DYM: variants seen among roughly 807,000 people sequenced by gnomAD.
DYM encodes the protein dymeclin, also known as dyggve-Melchior-Clausen syndrome protein.
DYM carries 78 observed loss-of-function variants against 93.1 expected under a neutral mutation model. That is an observed-to-expected ratio of 0.84 (90% CI 0.70 to 1.01). The LOEUF is 1.01. DYM is among the 50% of genes least tolerant of loss of function. The pLI is 0.00. For synonymous variants in DYM, 321 were observed against 319.7 expected (o/e 1.00, Z -0.04); for missense variants, 789 against 845.0 (o/e 0.93, Z 0.82).
intron 16 of DYM, among the ~76,000 whole-genome samples, chr18:49,112,126 A>ACCCCCCTCCTCTCCGCG (rs1875386504): frequency 7.1e-6 from 1 of 141,482 alleles, no homozygotes. Flanking sequence ...TCCTCTCCGC[A>ACCCCCCTCCTCTCCGCG]CCCCCCTCCC....
intron 10 of DYM, among the ~76,000 whole-genome samples, chr18:49,276,867 C>T (rs1276359635): frequency 6.6e-6 from 1 of 152,018 alleles, no homozygotes; most frequent in African/African-American, 2.4e-5. Context: ...AGCAGGAAAA[C>T]CAGTTAAAGA....
chr18:49,209,617 A>C lies in DYM; in HGVS notation c.1559T>G (p.Leu520Arg). The C allele has an allele frequency of 7.8e-7, 1 of 1,289,790 alleles. No individual in the cohort carries two copies. The highest frequency in any genetic ancestry group is 1.0e-6 in the Non-Finnish European group (1 of 988,840). 79.9% of individuals were successfully genotyped at this position (1,289,790 alleles called of 1,614,324 possible). ...CAAGAGTTCCTCTCCATTGTCACTG[A>C]GGGTCGAGAAGCAATGCTGAAGCGT... ...CSTLQHCFST[L>R]SDNGEELLSL... Residue 520 changes from leucine to arginine, a missense_variant, in exon 14 of 18, where the codon CTC (leucine) becomes CGC (arginine). Leu to Arg is a moderately radical substitution (Grantham distance 102). Around this residue, in one of 3 missense-constraint regions of DYM, gnomAD observed 225 missense variants for 303.0 expected, o/e 0.74. Transcript: ENST00000675505.
At chr18:49,356,562 A>G (rs1002000802) in intron 6 of DYM, among the ~76,000 whole-genome samples, 3 of 152,214 alleles carry the variant, frequency 2.0e-5, no homozygotes, top group Non-Finnish European at 2.9e-5. Flanking sequence ...TCAAAGAAGT[A>G]TTTTAGCATC....
At chr18:49,429,364 G>A (rs1327034065) in intron 2 of DYM, among the ~76,000 whole-genome samples, 1 of 152,042 alleles carries the variant, frequency 6.6e-6, no homozygotes, top group Non-Finnish European at 1.5e-5. Context: ...CATCTTTGGG[G>A]GGCTACTATT....
At chr18:49,401,365 T>C (rs1223181305) in intron 2 of DYM, among the ~76,000 whole-genome samples, 1 of 152,174 alleles carries the variant, frequency 6.6e-6, no homozygotes, top group East Asian at 1.9e-4. Flanking sequence ...GGCAGCAACA[T>C]AAACAGATGG....
intron 17 of DYM, 180 bp downstream of exon 17, chr18:49,097,222 G>T: frequency 1.6e-6 from 1 of 644,272 alleles, no homozygotes; most frequent in Non-Finnish European, 2.8e-6. Context: ...ATATGCAGTG[G>T]CATGAAAGTA....
At chr18:49,359,962 CCTT>C (rs1346841809) in intron 6 of DYM, 3 of 152,268 alleles carry the variant, frequency 2.0e-5, no homozygotes, top group South Asian at 2.1e-4. Flanking sequence ...CCAAGACAAA[CCTT>C]CTTGTAGGAT....
At chr18:49,111,846 T>C (rs140822416) in intron 16 of DYM, among the ~76,000 whole-genome samples, 251 of 152,216 alleles carry the variant, frequency 1.6e-3, no homozygotes, top group African/African-American at 5.8e-3. Context: ...CAGTCTTAAA[T>C]GGGGCTCTCT....
chr18:49,430,156 T>G, intron 2 of DYM, 99 bp downstream of exon 2: 1 of 1,117,672 alleles, frequency 8.9e-7, no homozygotes, highest in Non-Finnish European at 1.4e-6. Context: ...ATAGACTAGA[T>G]AGATAGACAG....
intron 14 of DYM, among the ~76,000 whole-genome samples, chr18:49,178,195 A>C (rs2089582670): frequency 1.3e-5 from 2 of 152,154 alleles, no homozygotes; most frequent in South Asian, 4.1e-4. Flanking sequence ...TGGCTTCCTC[A>C]GTGAAAGCTT....
At chr18:49,100,937 A>G (rs1240622164) in intron 16 of DYM, among the ~76,000 whole-genome samples, 1 of 152,224 alleles carries the variant, frequency 6.6e-6, no homozygotes, top group African/African-American at 2.4e-5. Flanking sequence ...CAAATAGGAG[A>G]TATCTAAGTG....
chr18:49,429,933 C>T (rs1394912948), intron 2 of DYM, among the ~76,000 whole-genome samples: 2 of 152,144 alleles, frequency 1.3e-5, no homozygotes, highest in Non-Finnish European at 2.9e-5. Flanking sequence ...CAGAACAGTA[C>T]GTGTAGTATG....
intron 6 of DYM, among the ~76,000 whole-genome samples, chr18:49,357,616 GAAAC>G (rs1408881013): frequency 4.6e-5 from 7 of 152,158 alleles, no homozygotes; most frequent in African/African-American, 4.8e-5. Flanking sequence ...TAGATGCTGA[GAAAC>G]AAACAAAATG....
At chr18:49,198,806 G>A (rs2091736632) in intron 14 of DYM, among the ~76,000 whole-genome samples, 1 of 151,894 alleles carries the variant, frequency 6.6e-6, no homozygotes, top group Non-Finnish European at 1.5e-5. Context: ...TAACCATTGT[G>A]GAAGTCGGTG....
intron 15 of DYM, among the ~76,000 whole-genome samples, chr18:49,161,087 GA>G (rs879775833): frequency 0.02 from 2,105 of 104,600 alleles, 17 homozygotes; most frequent in Middle Eastern, 0.027. Context: ...TAAATGTTAA[GA>G]AAAAAAAAAA....
At chr18:49,069,434 T>C (rs111550809) in intron 17 of DYM, among the ~76,000 whole-genome samples, 30 of 152,360 alleles carry the variant, frequency 2.0e-4, no homozygotes, top group African/African-American at 6.3e-4. Flanking sequence ...ACCAGCTCTA[T>C]GTCCTGTATC....
chr18:49,123,917 T>C (rs1041833605), intron 15 of DYM, among the ~76,000 whole-genome samples: 2 of 152,220 alleles, frequency 1.3e-5, no homozygotes, highest in African/African-American at 2.4e-5. Context: ...TTTAGAAATA[T>C]AATCAAGTCA....
At chr18:49,137,909 T>G (rs2084027297) in intron 15 of DYM, among the ~76,000 whole-genome samples, 1 of 152,180 alleles carries the variant, frequency 6.6e-6, no homozygotes, top group African/African-American at 2.4e-5. Flanking sequence ...CCACATTTCA[T>G]CAATAAAGCC....
At chr18:49,202,903 G>A (rs2092159553) in intron 14 of DYM, among the ~76,000 whole-genome samples, 1 of 134,074 alleles carries the variant, frequency 7.5e-6, no homozygotes, top group African/African-American at 2.8e-5. Context: ...GAGGGAGGTT[G>A]GGGGGGGTCA....
Sources: allele counts gnomAD v4.1 joint callset (sites outside exome capture counted in the v4.1 genomes callset), GRCh38; gene constraint gnomAD v4.1.1; regional missense constraint gnomAD v4.1.1; transcripts MANE v1.5; gene names NCBI Gene and HGNC (gene_info 2026-07-23, HGNC 2026-07-21).